Variants in RELCH observed in about 807,000 individuals in gnomAD.
RELCH encodes the protein RAB11-binding protein RELCH.
A neutral mutation model predicts 150.3 loss-of-function variants in RELCH; 41 were observed. The ratio of observed to expected loss-of-function variants is 0.27; its 90% CI spans 0.21 to 0.35. The LOEUF is 0.35. Among genes scored for constraint, RELCH ranks in the 10% least tolerant of loss-of-function variants. The pLI, the probability that RELCH is intolerant of heterozygous loss-of-function variation, is 1.00. For synonymous variants in RELCH, 478 were observed against 531.8 expected (o/e 0.90, Z 1.39); for missense variants, 1,092 against 1,467.8 (o/e 0.74, Z 4.18).
chr18:62,191,586 C>G (rs898095475), intron 1 of RELCH, among the ~76,000 whole-genome samples: 5 of 152,090 alleles, frequency 3.3e-5, no homozygotes, highest in Middle Eastern at 3.4e-3. Context: ...CCTCACCCAC[C>G]ATGTCCATGT....
In RELCH at chr18:62,282,341, C is replaced by T; in HGVS notation, c.3150C>T (p.Phe1050=). 2 of 1,612,876 alleles carry T rather than the reference C, an allele frequency of 1.2e-6. No homozygotes were observed. Among genetic ancestry groups the T allele is most frequent in the South Asian group, 1.1e-5 (1 of 90,984 alleles). ...GAGTGAAAATGCAGTTGGCTTCTTT[C>T]CTGGAAGATCCTCAGTATCAAGACC... The part of the protein sequence containing the change: ...LERVKMQLAS[F]LEDPQYQDQH... The change falls in exon 25 of 29, where the codon TTC becomes TTT. Residue 1050 remains phenylalanine, a synonymous_variant. Transcript: ENST00000644646.
chr18:62,241,724 A>T (rs2042157600), intron 10 of RELCH, among the ~76,000 whole-genome samples: 1 of 152,140 alleles, frequency 6.6e-6, no homozygotes, highest in African/African-American at 2.4e-5. Flanking sequence ...AGTGTGAGAG[A>T]TGATGCCAAA....
In RELCH at chr18:62,305,402, T is replaced by G; in HGVS notation, c.3531-12T>G. The G allele has an allele frequency of 6.3e-7, 1 of 1,577,008 alleles. No individual in the cohort carries two copies. The highest frequency in any genetic ancestry group is 8.6e-7 in the Non-Finnish European group (1 of 1,167,978). On this transcript the variant is annotated splice_polypyrimidine_tract_variant and intron_variant, in intron 28 of 28. Transcript: ENST00000644646. The surrounding 1 kb of genome is among the most constrained non-coding windows in gnomAD (Gnocchi z 4.0). The stretch of plus-strand genomic sequence containing the variant: ...TAATTGCTTTACATGAATTTTAAAT[T>G]TTCTTTCCTAGCTCAATGTCAATTG...
chr18:62,226,804 A>G (rs1458094722), intron 5 of RELCH, among the ~76,000 whole-genome samples: 9 of 152,144 alleles, frequency 5.9e-5, no homozygotes, highest in Non-Finnish European at 1.2e-4. Flanking sequence ...GGATACTGGA[A>G]AGTGTAAAAT....
intron 1 of RELCH, among the ~76,000 whole-genome samples, chr18:62,191,123 C>T (rs2038602614): frequency 6.6e-6 from 1 of 151,920 alleles, no homozygotes; most frequent in Admixed American, 6.6e-5. Context: ...GTGTTTTTTC[C>T]AGTTTTGTGT....
At chr18:62,296,181 G>T (rs1202173121) in intron 27 of RELCH, among the ~76,000 whole-genome samples, 1 of 152,096 alleles carries the variant, frequency 6.6e-6, no homozygotes, top group African/African-American at 2.4e-5. Context: ...TAGGTATATT[G>T]TTTTATATAT....
intron 25 of RELCH, among the ~76,000 whole-genome samples, chr18:62,283,216 CTTTGT>C (rs1311318739): frequency 6.6e-6 from 1 of 152,138 alleles, no homozygotes; most frequent in African/African-American, 2.4e-5. Context: ...CGATACATAA[CTTTGT>C]TTTAATTCAT....
At chr18:62,220,898 T>A in intron 2 of RELCH, 139 bp from the exon 3 acceptor site, 1 of 737,610 alleles carries the variant, frequency 1.4e-6, no homozygotes, top group Non-Finnish European at 2.4e-6. Context: ...TTCACAAGTT[T>A]CATAAAGATT....
At position 62,227,707 on chromosome 18, in the gene RELCH, A is replaced by C; in HGVS notation, c.1154+18A>C. 7.9e-7 allele frequency: 1 copy of C among 1,268,796 alleles called. No homozygotes were observed. Among genetic ancestry groups the C allele is most frequent in the Non-Finnish European group, 1.1e-6 (1 of 898,766 alleles). The allele number at this position is 1,268,796 out of a possible 1,614,324, so 78.6% of individuals were successfully genotyped here. A position where few individuals can be genotyped will look rare whatever the true frequency, so the allele number is the denominator to read the frequency against. ...CTTAAAAGGTTAGTACTTGATCATT[A>C]TTCCTAAAAATCCTCTTAAGGTGTT... On this transcript the variant is annotated intron_variant, in intron 7 of 28. Coordinates refer to ENST00000644646, the MANE Select transcript of RELCH (RefSeq NM_001346231.2).
chr18:62,280,741 G>A, intron 24 of RELCH, 32 bp downstream of exon 24: 1 of 1,398,106 alleles, frequency 7.2e-7, no homozygotes. Context: ...TTATGTCTGT[G>A]TAATATTGAT....
intron 20 of RELCH, among the ~76,000 whole-genome samples, chr18:62,272,713 T>C (rs1411855093): frequency 6.6e-6 from 1 of 152,004 alleles, no homozygotes; most frequent in Non-Finnish European, 1.5e-5. Flanking sequence ...GTTTTGAGAG[T>C]CCAAAAATGA....
chr18:62,253,357 A>G (rs1406989073), intron 12 of RELCH, among the ~76,000 whole-genome samples: 1 of 151,804 alleles, frequency 6.6e-6, no homozygotes, highest in Non-Finnish European at 1.5e-5. Flanking sequence ...ACAAATATAT[A>G]AGGTGTAAAT....
intron 9 of RELCH, among the ~76,000 whole-genome samples, 175 bp downstream of exon 9, chr18:62,231,444 T>C (rs1028148069): frequency 3.9e-5 from 6 of 152,068 alleles, no homozygotes; most frequent in African/African-American, 1.2e-4. Flanking sequence ...TTAAGGAAAG[T>C]AGTTGATTAT....
chr18:62,191,577 C>T (rs1036914484), intron 1 of RELCH, among the ~76,000 whole-genome samples: 1 of 152,008 alleles, frequency 6.6e-6, no homozygotes, highest in Non-Finnish European at 1.5e-5. Context: ...TACTCTCCCC[C>T]TCACCCACCA....
Position 62,266,610 on chromosome 18 carries a change from G to C in RELCH, c.2632-91G>C, listed in dbSNP as rs1600152041. On this transcript the variant is annotated intron_variant, in intron 18 of 28. Transcript: ENST00000644646. ...CATCTATAAAGCTAAATAAATAAAT[G>C]AATAGTAGTAGCAACAGTAGTAAAC... The C allele has an allele frequency of 2.1e-5, 15 of 710,724 alleles. No individual in the cohort carries two copies. In the East Asian group the frequency reaches 4.1e-4, roughly 19 times the overall value. The allele number at this position is 710,724 out of a possible 1,614,324, so 44.0% of individuals were successfully genotyped here. A position where few individuals can be genotyped will look rare whatever the true frequency, so the allele number is the denominator to read the frequency against.
chr18:62,223,055 G>T (rs569919985), intron 5 of RELCH, among the ~76,000 whole-genome samples: 2 of 151,788 alleles, frequency 1.3e-5, no homozygotes, highest in Non-Finnish European at 2.9e-5. Context: ...GTGAAATCAG[G>T]CTCTGCCTTA....
Position 62,284,935 on chromosome 18 carries a change from T to C in RELCH, c.3254-2416T>C, listed in dbSNP as rs990833089. Among the ~76,000 whole-genome samples, 4 of 150,208 alleles carry C rather than the reference T, an allele frequency of 2.7e-5. No homozygotes were observed. The East Asian group carries it at 8.3e-4, about 31-fold the overall frequency. On this transcript the variant is annotated intron_variant, in intron 25 of 28. Coordinates refer to ENST00000644646, the MANE Select transcript of RELCH (RefSeq NM_001346231.2). ...TTTACTTAGTAAGACTCTCTGAAAA[T>C]GTTCAGTCGTACATTGGAGATTTTC...
intron 5 of RELCH, among the ~76,000 whole-genome samples, chr18:62,224,821 A>G (rs796867328): frequency 2.6e-5 from 4 of 152,198 alleles, no homozygotes; most frequent in Admixed American, 6.5e-5. Context: ...TGTATTTTCA[A>G]TGAAATCTAA....
intron 12 of RELCH, among the ~76,000 whole-genome samples, chr18:62,253,213 C>T (rs1387213989): frequency 1.3e-5 from 2 of 148,350 alleles, no homozygotes; most frequent in African/African-American, 4.9e-5. Flanking sequence ...AACTAAGATG[C>T]AACAAGAACA....
Sources: allele counts gnomAD v4.1 joint callset (sites outside exome capture counted in the v4.1 genomes callset), GRCh38; gene constraint gnomAD v4.1.1; non-coding constraint Gnocchi (gnomAD v3.1); transcripts MANE v1.5; gene names NCBI Gene and HGNC (gene_info 2026-07-23, HGNC 2026-07-21).